Variants in AREG observed in about 807,000 individuals in gnomAD.
AREG encodes amphiregulin, also known as amphiregulin B.
AREG carries 16 observed loss-of-function variants against 28.0 expected under a neutral mutation model. The observed-to-expected ratio is 0.57, with a 90% CI of 0.39 to 0.87. The LOEUF (loss-of-function observed/expected upper bound fraction) is 0.87, where lower values mean the gene tolerates loss of function less well. Among genes scored for constraint, AREG ranks in the 40% least tolerant of loss-of-function variants. AREG has a pLI of 0.00. For synonymous variants in AREG, 113 were observed against 113.5 expected (o/e 1.00, Z 0.02); for missense variants, 287 against 309.1 (o/e 0.93, Z 0.53).
chr4:74,447,169 A>G (rs1470686543), intron 2 of AREG, among the ~76,000 whole-genome samples: 1 of 152,192 alleles, frequency 6.6e-6, no homozygotes. Flanking sequence ...CTTTCCCACT[A>G]TGCTACATGA....
intron 5 of AREG, among the ~76,000 whole-genome samples, chr4:74,453,248 G>C (rs1719408630): frequency 6.6e-6 from 1 of 152,218 alleles, no homozygotes; most frequent in African/African-American, 2.4e-5. Context: ...AGCCACAGTT[G>C]CGGGTGCTTG....
Position 74,450,385 on chromosome 4 carries a change from A to C in AREG, c.518A>C (p.Gln173Pro). 1 of 1,613,992 alleles carries C rather than the reference A, an allele frequency of 6.2e-7. No individual in the cohort carries two copies. ...EHLEAVTCKC[Q>P]QEYFGERCGE... ...TAAATGTGAATTGCTTGCAGATGTCAGCAAGAATATTTCGGTGAACGGTGT... is the reference window on the plus strand; with the variant it reads ...TAAATGTGAATTGCTTGCAGATGTCCGCAAGAATATTTCGGTGAACGGTGT... The change falls in exon 4 of 6, where the codon CAG becomes CCG. Residue 173 changes from glutamine to proline, a missense_variant. Coordinates refer to ENST00000395748, the MANE Select transcript of AREG (RefSeq NM_001657.4).
At position 74,451,992 on chromosome 4, in the gene AREG, GT is replaced by G. The variant is rs1313017710; in HGVS notation, c.666-548del. Among the ~76,000 whole-genome samples the G allele has an allele frequency of 2.0e-5, 3 of 152,180 alleles. No homozygotes were observed. The East Asian group carries it at 5.8e-4, about 29-fold the overall frequency. On this transcript the variant is annotated intron_variant, in intron 4 of 5. Coordinates refer to ENST00000395748, the MANE Select transcript of AREG (RefSeq NM_001657.4). ...AACTTTTTATGATTTTAATGATAAT[GT>G]TTTGTGGTGGGTTAAAGACCTCCTA...
Position 74,446,553 on chromosome 4 carries a change from G to A in AREG, c.81G>A (p.Leu27=). The change falls in exon 2 of 6, where the codon TTG becomes TTA. Residue 27 remains leucine, a synonymous_variant. Coordinates refer to ENST00000395748, the MANE Select transcript of AREG (RefSeq NM_001657.4). ...ILGSGHYAAG[L]DLNDTYSGKR... Reference sequence around the variant, plus strand: ...CTGCAGGCCATTATGCTGCTGGATTGGACCTCAATGACACCTACTCTGGGA... The same window carrying A: ...CTGCAGGCCATTATGCTGCTGGATTAGACCTCAATGACACCTACTCTGGGA... The A allele has an allele frequency of 6.2e-7, 1 of 1,613,902 alleles. No homozygotes were observed. Among genetic ancestry groups the A allele is most frequent in the East Asian group, 2.2e-5 (1 of 44,880 alleles).
At position 74,452,665 on chromosome 4, in the gene AREG, T is replaced by C; in HGVS notation, c.*18+10T>C. On this transcript the variant is annotated intron_variant, in intron 5 of 5. Transcript: ENST00000395748. ...GAAGATAAAATTACAGGTTTGAGTT[T>C]TAAAATATATCTTTAGATCATATCC... 1 of 1,608,880 alleles carries C rather than the reference T, an allele frequency of 6.2e-7. No homozygotes were observed. Among genetic ancestry groups the C allele is most frequent in the Non-Finnish European group, 8.5e-7 (1 of 1,177,284 alleles).
rs971498382 is a variant in AREG, at chr4:74,447,441, A to G, written c.310+659A>G. Among the ~76,000 whole-genome samples the G allele has an allele frequency of 1.2e-3, 176 of 152,310 alleles. 1 individual carries two copies. Among genetic ancestry groups the G allele is most frequent in the African/African-American group, 4.0e-3 (165 of 41,562 alleles). On this transcript the variant is annotated intron_variant, in intron 2 of 5. Transcript: ENST00000395748. ...TATACTTAGATTTTGTATTGCTAAA[A>G]TCACTCTTTAACCCCAAATCCCATT...
chr4:74,447,482 C>A (rs1719312891), intron 2 of AREG, among the ~76,000 whole-genome samples: 1 of 152,024 alleles, frequency 6.6e-6, no homozygotes, highest in African/African-American at 2.4e-5. Context: ...GTTATATAAC[C>A]CATGGTTTCT....
chr4:74,450,839 A>AAT (rs1719368488), intron 4 of AREG, among the ~76,000 whole-genome samples: 1 of 152,174 alleles, frequency 6.6e-6, no homozygotes, highest in African/African-American at 2.4e-5. Flanking sequence ...AATCTCAGAA[A>AAT]ATATTTATAT....
At chr4:74,451,887 A>T (rs1265782538) in intron 4 of AREG, among the ~76,000 whole-genome samples, 14 of 152,274 alleles carry the variant, frequency 9.2e-5, no homozygotes, top group African/African-American at 3.1e-4. Context: ...CATAAAACAA[A>T]CACTAAACCT....
In AREG at chr4:74,454,977, T is replaced by C. The variant is rs966634306; in HGVS notation, c.*237T>C. 26 of 600,800 alleles carry C rather than the reference T, an allele frequency of 4.3e-5. No individual in the cohort carries two copies. Among genetic ancestry groups the C allele is most frequent in the Admixed American group, 4.0e-4 (14 of 35,198 alleles). The allele number at this position is 600,800 out of a possible 1,614,324, so 37.2% of individuals were successfully genotyped here. A position where few individuals can be genotyped will look rare whatever the true frequency, so the allele number is the denominator to read the frequency against. ...AATATTTAATGGAAGTGTATTTATTTTACAGCTCATTAAACTTTTTTAACC... is the reference window on the plus strand; with the variant it reads ...AATATTTAATGGAAGTGTATTTATTCTACAGCTCATTAAACTTTTTTAACC... On this transcript the variant is annotated 3_prime_UTR_variant, in exon 6 of 6. Coordinates refer to ENST00000395748, the MANE Select transcript of AREG (RefSeq NM_001657.4).
At position 74,449,070 on chromosome 4, in the gene AREG, C is replaced by T; in HGVS notation, c.334C>T (p.Gln112Ter). The T allele has an allele frequency of 1.2e-6, 2 of 1,609,092 alleles. No homozygotes were observed. Among genetic ancestry groups the T allele is most frequent in the Non-Finnish European group, 8.5e-7 (1 of 1,179,072 alleles). ...VRVEQVVKPP[Q>*]NKTESENTSD... ...AGTTGAACAGGTAGTTAAGCCCCCC[C>T]AAAACAAGACGGAAAGTGAAAATAC... is the stretch of plus-strand genomic sequence containing the variant. Residue 112 changes from glutamine to a stop codon, truncating the protein, a stop_gained, in exon 3 of 6, where the codon CAA (glutamine) becomes TAA (stop). Coordinates refer to ENST00000395748, the MANE Select transcript of AREG (RefSeq NM_001657.4). LOFTEE classifies it high-confidence loss of function.
chr4:74,453,920 TAAA>T, intron 5 of AREG, among the ~76,000 whole-genome samples: 1 of 123,328 alleles, frequency 8.1e-6, no homozygotes, highest in Admixed American at 8.3e-5. Context: ...AACTCCATCT[TAAA>T]AAAAAAAAAA....
At chr4:74,449,503 TG>T (rs1719346282) in intron 3 of AREG, among the ~76,000 whole-genome samples, 1 of 152,196 alleles carries the variant, frequency 6.6e-6, no homozygotes, top group South Asian at 2.1e-4. Flanking sequence ...CCCAGCACTT[TG>T]GGGGGCCGAG....
intron 2 of AREG, 84 bp from the exon 3 acceptor site, chr4:74,448,963 C>A (rs1719336934): frequency 6.4e-7 from 1 of 1,566,840 alleles, no homozygotes; most frequent in African/African-American, 1.5e-5. Flanking sequence ...TGTGAGCGCT[C>A]ACTGCTATGA....
At position 74,454,949 on chromosome 4, in the gene AREG, T is replaced by G; in HGVS notation, c.*209T>G. On this transcript the variant is annotated 3_prime_UTR_variant, in exon 6 of 6. Transcript: ENST00000395748. ...ATTTTTTCAAGTTGTAAATAATTTA[T>G]TTAATATTTAATGGAAGTGTATTTA... 1.6e-6 allele frequency: 1 copy of G among 638,682 alleles called. No homozygotes were observed. The highest frequency in any genetic ancestry group is 2.8e-6 in the Non-Finnish European group (1 of 358,894). The allele number at this position is 638,682 out of a possible 1,614,324, so 39.6% of individuals were successfully genotyped here.
Position 74,452,575 on chromosome 4 carries a change from G to A in AREG, c.697G>A (p.Gly233Arg). Residue 233 changes from glycine to arginine, a missense_variant, in exon 5 of 6, where the codon GGA (glycine) becomes AGA (arginine). Physicochemically the swap from Gly to Arg is moderately radical, Grantham distance 125 (BLOSUM62 -2). Coordinates refer to ENST00000395748, the MANE Select transcript of AREG (RefSeq NM_001657.4). ...LRRQYVRKYE[G>R]EAEERKKLRQ... is the part of the protein sequence containing the mutation. ...AAGACAATACGTCAGGAAATATGAA[G>A]GAGAAGCTGAGGAACGAAAGAAACT... The A allele has an allele frequency of 6.2e-7, 1 of 1,613,394 alleles. No homozygotes were observed. The highest frequency in any genetic ancestry group is 8.5e-7 in the Non-Finnish European group (1 of 1,179,650).
At chr4:74,450,283 A>C in intron 3 of AREG, 97 bp from the exon 4 acceptor site, 2 of 1,593,852 alleles carry the variant, frequency 1.3e-6, no homozygotes, top group Non-Finnish European at 1.7e-6. Flanking sequence ...AACTTTTTTA[A>C]TGTTGGAATT....
chr4:74,446,883 T>C, intron 2 of AREG, 101 bp downstream of exon 2: 1 of 1,583,616 alleles, frequency 6.3e-7, no homozygotes, highest in Non-Finnish European at 8.5e-7. Flanking sequence ...TCTAGTGGCT[T>C]TATTGTATAT....
chr4:74,445,687 G>T (rs1719270344), intron 1 of AREG, among the ~76,000 whole-genome samples: 1 of 152,170 alleles, frequency 6.6e-6, no homozygotes, highest in Non-Finnish European at 1.5e-5. Flanking sequence ...CAGATTAAAA[G>T]ATTAAAAAGA....
Sources: allele counts gnomAD v4.1 joint callset (sites outside exome capture counted in the v4.1 genomes callset), GRCh38; gene constraint gnomAD v4.1.1; transcripts MANE v1.5; gene names NCBI Gene and HGNC (gene_info 2026-07-23, HGNC 2026-07-21).